Variants in SLC35F3 observed in about 807,000 individuals in gnomAD.
The protein encoded by SLC35F3 is solute carrier family 35 member F3.
SLC35F3 carries 25 observed loss-of-function variants against 49.9 expected under a neutral mutation model. The ratio of observed to expected loss-of-function variants is 0.50; its 90% CI spans 0.37 to 0.70. The LOEUF (loss-of-function observed/expected upper bound fraction) is 0.70, where lower values mean the gene tolerates loss of function less well. Ranked by LOEUF, SLC35F3 falls within the 30% of genes least tolerant of loss-of-function variation. SLC35F3 has a pLI of 0.00. For synonymous variants in SLC35F3, 275 were observed against 265.4 expected, an observed-to-expected ratio of 1.04 and a Z score of -0.35; for missense variants, 525 against 639.8, an observed-to-expected ratio of 0.82 and a Z score of 1.94.
chr1:234,095,781 A>G (rs1337709608), intron 2 of SLC35F3, among the ~76,000 whole-genome samples: 1 of 152,162 alleles, frequency 6.6e-6, no homozygotes, highest in African/African-American at 2.4e-5. Flanking sequence ...TCTGTGCCTC[A>G]GTTTTCTCAT....
At chr1:234,178,076 G>T (rs1324256042) in intron 2 of SLC35F3, among the ~76,000 whole-genome samples, 1 of 152,140 alleles carries the variant, frequency 6.6e-6, no homozygotes, top group Non-Finnish European at 1.5e-5. Flanking sequence ...CTGGAAACTT[G>T]TTCCAAAAGA....
At chr1:233,955,876 AT>A (rs1388373863) in intron 2 of SLC35F3, among the ~76,000 whole-genome samples, 1,807 of 58,944 alleles carry the variant, frequency 0.031, 49 homozygotes, top group Non-Finnish European at 0.041. Context: ...AGGTGTGGGT[AT>A]CTTTTTTTTT....
In SLC35F3 at chr1:233,957,828, CA is replaced by C. The variant is rs1662731798; in HGVS notation, c.283+52072del. On this transcript the variant is annotated intron_variant, in intron 2 of 7. Coordinates refer to ENST00000366618, the MANE Select transcript of SLC35F3 (RefSeq NM_173508.4). The surrounding 1 kb of genome is among the most constrained non-coding windows in gnomAD (Gnocchi z 4.0). The stretch of plus-strand genomic sequence containing the variant: ...GAAACTCCATCTCAAAAAAAAAATA[CA>C]ATAATCATTTTATTATTGCTTGTGG... 6.6e-6 allele frequency among the ~76,000 whole-genome samples: 1 copy of C among 151,922 alleles called. No homozygotes were observed. The highest frequency in any genetic ancestry group is 6.6e-5 in the Admixed American group (1 of 15,246).
chr1:234,181,338 G>GAAAAAAAAAAAAA (rs34757532), intron 2 of SLC35F3, among the ~76,000 whole-genome samples: 32 of 97,302 alleles, frequency 3.3e-4, no homozygotes, highest in Non-Finnish European at 4.2e-4. Context: ...TCTGTCTCAA[G>GAAAAAAAAAAAAA]AAAAAAAAAA....
chr1:234,108,315 A>AT (rs60572654), intron 2 of SLC35F3, among the ~76,000 whole-genome samples: 1 of 86,082 alleles, frequency 1.2e-5, no homozygotes, highest in Non-Finnish European at 2.8e-5. Flanking sequence ...TTATATATAT[A>AT]AAAGATATAT....
At chr1:233,949,109 T>C (rs1254351404) in intron 2 of SLC35F3, among the ~76,000 whole-genome samples, 1 of 152,066 alleles carries the variant, frequency 6.6e-6, no homozygotes, top group Non-Finnish European at 1.5e-5. Context: ...ATCATGCCCA[T>C]GGGAGAACAA....
intron 4 of SLC35F3, among the ~76,000 whole-genome samples, chr1:234,313,608 T>TG (rs987771549): frequency 6.6e-6 from 1 of 151,960 alleles, no homozygotes; most frequent in African/African-American, 2.4e-5. Flanking sequence ...CATTGAGGGC[T>TG]GGGGGGGACA....
At chr1:234,132,984 A>G (rs984991099) in intron 2 of SLC35F3, among the ~76,000 whole-genome samples, 5 of 152,208 alleles carry the variant, frequency 3.3e-5, no homozygotes, top group Non-Finnish European at 5.9e-5. Context: ...GAGGTAAGCA[A>G]CTATTATTGT....
intron 2 of SLC35F3, among the ~76,000 whole-genome samples, chr1:233,970,608 G>A (rs1446411540): frequency 6.6e-6 from 1 of 152,120 alleles, no homozygotes; most frequent in Non-Finnish European, 1.5e-5. Flanking sequence ...TTGAAGACAG[G>A]GCCTTTAAAG....
At chr1:234,040,301 G>A (rs1335204407) in intron 2 of SLC35F3, among the ~76,000 whole-genome samples, 2 of 152,140 alleles carry the variant, frequency 1.3e-5, no homozygotes, top group Admixed American at 6.5e-5. Flanking sequence ...TGAATCTGGG[G>A]TCTTTATAGG....
intron 2 of SLC35F3, among the ~76,000 whole-genome samples, chr1:234,165,499 T>A (rs1267642424): frequency 6.6e-6 from 1 of 152,144 alleles, no homozygotes; most frequent in African/African-American, 2.4e-5. Context: ...GAAAATATAT[T>A]CATAAAATAG....
At position 234,004,746 on chromosome 1, in the gene SLC35F3, A is replaced by C. The variant is rs1197065927; in HGVS notation, c.283+98988A>C. On this transcript the variant is annotated intron_variant, in intron 2 of 7. Transcript: ENST00000366618. Reference sequence around the variant, plus strand: ...TGTCATTTATTTCTGAAGGGAAAATAGCTTTTCTTGGTTAGAAATCAGGTA... The same window carrying C: ...TGTCATTTATTTCTGAAGGGAAAATCGCTTTTCTTGGTTAGAAATCAGGTA... 2.0e-5 allele frequency among the ~76,000 whole-genome samples: 3 copies of C among 152,164 alleles called. No homozygotes were observed. The East Asian group carries it at 5.8e-4, about 29-fold the overall frequency.
chr1:234,119,902 T>C (rs898476598), intron 2 of SLC35F3, among the ~76,000 whole-genome samples: 3 of 152,202 alleles, frequency 2.0e-5, no homozygotes, highest in African/African-American at 7.2e-5. Context: ...TTTTCTCCCA[T>C]GGTTGAAGCT....
rs771296218 is a variant in SLC35F3 at position 234,233,901 on chromosome 1, C to T, written c.608+2160C>T. ...TTCTGATTATAAGCTGTGTTAGCCC[C>T]GTGGCTAGGCAGAGATGCTAATTTA... On this transcript the variant is annotated intron_variant, in intron 3 of 7. Transcript: ENST00000366618. 3.9e-5 allele frequency among the ~76,000 whole-genome samples: 6 copies of T among 152,066 alleles called. No individual in the cohort carries two copies. In the South Asian group the frequency reaches 1.0e-3, roughly 26 times the overall value.
At chr1:234,201,992 T>G (rs1666907444) in intron 2 of SLC35F3, among the ~76,000 whole-genome samples, 1 of 149,000 alleles carries the variant, frequency 6.7e-6, no homozygotes, top group Admixed American at 6.7e-5. Context: ...TAAATGCCCA[T>G]CAATGCTAGA....
In SLC35F3 at chr1:234,097,397, G is replaced by A. The variant is rs528653262; in HGVS notation, c.284-134020G>A. ...ATTTATTGAGCACCTACCTTGTACAGCATGACCTCATTTCATCCTAACATC... is the reference window on the plus strand; with the variant it reads ...ATTTATTGAGCACCTACCTTGTACAACATGACCTCATTTCATCCTAACATC... On this transcript the variant is annotated intron_variant, in intron 2 of 7. Transcript: ENST00000366618. Among the ~76,000 whole-genome samples, 160 of 152,262 alleles carry A rather than the reference G, an allele frequency of 1.1e-3. 2 individuals carry two copies. In the South Asian group the frequency reaches 0.022, roughly 21 times the overall value.
At chr1:234,233,934 A>G (rs1381903542) in intron 3 of SLC35F3, among the ~76,000 whole-genome samples, 1 of 152,222 alleles carries the variant, frequency 6.6e-6, no homozygotes, top group Admixed American at 6.5e-5. Context: ...TTACCAGCCA[A>G]TTATTAGGCA....
Position 234,085,893 on chromosome 1 carries a change from T to C in SLC35F3, c.284-145524T>C, listed in dbSNP as rs529435671. ...GCAGGGACAATTTCTGGTCCTCAGT[T>C]GAGAAATCACCTGGCAATAGTTGAT... On this transcript the variant is annotated intron_variant, in intron 2 of 7. Transcript: ENST00000366618. Among the ~76,000 whole-genome samples the C allele has an allele frequency of 2.6e-5, 4 of 152,118 alleles. No homozygotes were observed. In the South Asian group the frequency reaches 8.3e-4, roughly 32 times the overall value.
intron 2 of SLC35F3, among the ~76,000 whole-genome samples, chr1:234,069,123 A>G (rs1474909606): frequency 1.5e-5 from 2 of 129,842 alleles, no homozygotes; most frequent in African/African-American, 2.9e-5. Flanking sequence ...ATATTTTTGT[A>G]TATAAAATAT....
Sources: allele counts gnomAD v4.1 joint callset (sites outside exome capture counted in the v4.1 genomes callset), GRCh38; gene constraint gnomAD v4.1.1; non-coding constraint Gnocchi (gnomAD v3.1); transcripts MANE v1.5; gene names NCBI Gene and HGNC (gene_info 2026-07-23, HGNC 2026-07-21).